Variants in KIF6 observed in about 807,000 individuals in gnomAD.
The protein encoded by KIF6 is kinesin family member 6, also known as kinesin-like protein KIF6.
Under a neutral mutation model 112.7 loss-of-function variants are expected in KIF6, and 106 were observed. The ratio of observed to expected loss-of-function variants is 0.94; its 90% CI spans 0.80 to 1.11. The LOEUF (loss-of-function observed/expected upper bound fraction) is 1.11. Among genes scored for constraint, KIF6 ranks in the 50% least tolerant of loss-of-function variants. The pLI, the probability that KIF6 is intolerant of heterozygous loss-of-function variation, is 0.00. For synonymous variants in KIF6, 339 were observed against 339.9 expected (o/e 1.00, Z 0.03); for missense variants, 929 against 964.0 (o/e 0.96, Z 0.48).
At chr6:39,365,204 C>T (rs889252599) in intron 16 of KIF6, among the ~76,000 whole-genome samples, 6 of 152,198 alleles carry the variant, frequency 3.9e-5, no homozygotes, top group African/African-American at 1.2e-4. Flanking sequence ...CTTCCAGGTG[C>T]CATTGACCCC....
intron 13 of KIF6, among the ~76,000 whole-genome samples, chr6:39,433,114 T>C (rs1771277587): frequency 6.6e-6 from 1 of 152,198 alleles, no homozygotes; most frequent in African/African-American, 2.4e-5. Context: ...AAAGGACCAC[T>C]CCAGAGCCCA....
chr6:39,641,502 G>T (rs557657018), intron 3 of KIF6, among the ~76,000 whole-genome samples: 27 of 152,074 alleles, frequency 1.8e-4, no homozygotes, highest in Middle Eastern at 3.4e-3. Flanking sequence ...GTGAGGTGGG[G>T]GGACGGGGGA....
At chr6:39,531,553 A>G (rs1313588798) in intron 13 of KIF6, among the ~76,000 whole-genome samples, 1 of 152,150 alleles carries the variant, frequency 6.6e-6, no homozygotes, top group Non-Finnish European at 1.5e-5. Context: ...ATCATAAGCC[A>G]TGAGGTTCTA....
intron 5 of KIF6, among the ~76,000 whole-genome samples, chr6:39,634,133 T>G (rs541374723): frequency 1.3e-5 from 2 of 152,096 alleles, no homozygotes; most frequent in Non-Finnish European, 2.9e-5. Flanking sequence ...TAAATTAGAG[T>G]ATTTAATAAG....
At chr6:39,417,447 G>A (rs1329171494) in intron 15 of KIF6, among the ~76,000 whole-genome samples, 1 of 152,178 alleles carries the variant, frequency 6.6e-6, no homozygotes, top group African/African-American at 2.4e-5. Flanking sequence ...TCTCAATATT[G>A]GTGTGAACTA....
At chr6:39,652,624 C>G (rs1785541632) in intron 3 of KIF6, among the ~76,000 whole-genome samples, 1 of 151,870 alleles carries the variant, frequency 6.6e-6, no homozygotes, top group Non-Finnish European at 1.5e-5. Context: ...TTTTCTGTAG[C>G]ACTTCAAACT....
chr6:39,354,487 T>C (rs1000252618), intron 19 of KIF6, among the ~76,000 whole-genome samples: 1 of 152,208 alleles, frequency 6.6e-6, no homozygotes, highest in Admixed American at 6.5e-5. Flanking sequence ...AAGATCTAAA[T>C]GTAAAAACAC....
intron 13 of KIF6, among the ~76,000 whole-genome samples, chr6:39,513,624 G>A (rs553973918): frequency 2.0e-5 from 3 of 152,300 alleles, no homozygotes; most frequent in Admixed American, 2.0e-4. Context: ...ATCTGGCTAA[G>A]GGGAGCATTT....
rs188219005 is a variant in KIF6 at position 39,494,985 on chromosome 6, C to A, written c.1645+45018G>T. On this transcript the variant is annotated intron_variant, in intron 13 of 22. Coordinates refer to ENST00000287152, the MANE Select transcript of KIF6 (RefSeq NM_145027.6). ...GGGGACATCAGAGGCCTCAGAACTG[C>A]CCAATTTATTTAGGGAAAGGAAATA... is the stretch of plus-strand genomic sequence containing the variant. Among the ~76,000 whole-genome samples, 3 of 152,148 alleles carry A rather than the reference C, an allele frequency of 2.0e-5. No homozygotes were observed. The East Asian group carries it at 5.8e-4, about 29-fold the overall frequency.
intron 16 of KIF6, among the ~76,000 whole-genome samples, chr6:39,362,868 G>T (rs898617045): frequency 3.3e-5 from 5 of 152,202 alleles, no homozygotes; most frequent in African/African-American, 1.2e-4. Context: ...GCCCTTCAGG[G>T]CCAGGCACAG....
chr6:39,386,467 G>C (rs1767431190), intron 15 of KIF6, among the ~76,000 whole-genome samples: 1 of 152,138 alleles, frequency 6.6e-6, no homozygotes, highest in African/African-American at 2.4e-5. Flanking sequence ...ATTGTCATAT[G>C]AATTAGAAAC....
intron 16 of KIF6, among the ~76,000 whole-genome samples, chr6:39,373,076 G>C (rs899242829): frequency 1.3e-5 from 2 of 152,200 alleles, no homozygotes; most frequent in African/African-American, 2.4e-5. Flanking sequence ...GACAGATAGA[G>C]GGGCCAGCCA....
chr6:39,581,029 GAA>G lies in KIF6; in HGVS notation c.1078-2872_1078-2871del, dbSNP rs558295923. Among the ~76,000 whole-genome samples the G allele has an allele frequency of 7.6e-4, 116 of 151,830 alleles. No homozygotes were observed. In the Middle Eastern group the frequency reaches 0.01, roughly 13 times the overall value. ...CTATCATAATGCAAAATTCCTAAAA[GAA>G]AAAAATTAGCAGGCTTGATCCAGCT... On this transcript the variant is annotated intron_variant, in intron 9 of 22. Coordinates refer to ENST00000287152, the MANE Select transcript of KIF6 (RefSeq NM_145027.6).
chr6:39,668,323 A>G (rs944313057), intron 3 of KIF6, among the ~76,000 whole-genome samples: 3 of 152,250 alleles, frequency 2.0e-5, no homozygotes, highest in African/African-American at 7.2e-5. Context: ...TAAATAATTA[A>G]GAGTGATTCC....
chr6:39,379,150 C>T (rs1485466981), intron 16 of KIF6, among the ~76,000 whole-genome samples: 1 of 152,220 alleles, frequency 6.6e-6, no homozygotes, highest in Admixed American at 6.5e-5. Flanking sequence ...AGTTAGTATG[C>T]TTCCTGCTGT....
At chr6:39,406,963 C>T (rs1769132446) in intron 15 of KIF6, among the ~76,000 whole-genome samples, 1 of 152,128 alleles carries the variant, frequency 6.6e-6, no homozygotes, top group Non-Finnish European at 1.5e-5. Context: ...CACTATGTTG[C>T]TCAGGCTGGT....
intron 15 of KIF6, among the ~76,000 whole-genome samples, chr6:39,408,069 AG>A: frequency 6.6e-6 from 1 of 152,256 alleles, no homozygotes; most frequent in East Asian, 1.9e-4. Context: ...CCTACAACTC[AG>A]AAAGAGAAAT....
chr6:39,534,474 G>T (rs1044205280), intron 13 of KIF6, among the ~76,000 whole-genome samples: 3 of 152,174 alleles, frequency 2.0e-5, no homozygotes, highest in Non-Finnish European at 4.4e-5. Context: ...GATGGAAGAT[G>T]AAATGAATGA....
chr6:39,570,701 G>A (rs575518154), intron 10 of KIF6, among the ~76,000 whole-genome samples: 1 of 152,138 alleles, frequency 6.6e-6, no homozygotes, highest in East Asian at 1.9e-4. Context: ...AAGTTCTCAC[G>A]AGATCTGATG....
Sources: gnomAD v4.1 joint callset for allele counts (sites outside exome capture counted in the v4.1 genomes callset) on GRCh38, gnomAD v4.1.1 for gene constraint, MANE v1.5 for transcripts, NCBI Gene and HGNC (gene_info 2026-07-23, HGNC 2026-07-21) for gene names.